The following ARPP21 variants were observed in gnomAD, a reference collection of about 807,000 sequenced individuals.
The protein encoded by ARPP21 is cAMP regulated phosphoprotein 21.
A neutral mutation model predicts 113.2 loss-of-function variants in ARPP21; 69 were observed. That is an observed-to-expected ratio of 0.61 (90% CI 0.50 to 0.74). The LOEUF is 0.74. Among genes scored for constraint, ARPP21 ranks in the 30% least tolerant of loss-of-function variants. ARPP21 has a pLI of 0.00. For missense variants in ARPP21, 1,070 were observed against 1,037.4 expected (o/e 1.03, Z -0.43); for synonymous variants, 368 against 375.5 (o/e 0.98, Z 0.23).
intron 11 of ARPP21, among the ~76,000 whole-genome samples, chr3:35,714,615 T>C (rs749700651): frequency 1.2e-4 from 18 of 152,206 alleles, no homozygotes; most frequent in South Asian, 4.1e-4. Context: ...CACCCTATTA[T>C]AGGACCACAG....
chr3:35,658,162 C>T (rs894194204), intron 1 of ARPP21, among the ~76,000 whole-genome samples: 2 of 152,080 alleles, frequency 1.3e-5, no homozygotes, highest in Admixed American at 1.3e-4. Context: ...TTGGTGAACA[C>T]ATTCCAGACT....
intron 19 of ARPP21, among the ~76,000 whole-genome samples, chr3:35,779,284 G>A (rs1280411207): frequency 1.3e-5 from 2 of 152,170 alleles, no homozygotes; most frequent in African/African-American, 2.4e-5. Flanking sequence ...TGAAGTACTT[G>A]TGGACTATTA....
intron 9 of ARPP21, among the ~76,000 whole-genome samples, chr3:35,700,450 T>C (rs997735019): frequency 3.3e-5 from 5 of 151,720 alleles, no homozygotes; most frequent in African/African-American, 1.2e-4. Context: ...AGTCATTGTA[T>C]GTATTAATGC....
At chr3:35,773,757 T>A (rs1042565392) in intron 19 of ARPP21, among the ~76,000 whole-genome samples, 5 of 152,352 alleles carry the variant, frequency 3.3e-5, no homozygotes, top group Middle Eastern at 3.4e-3. Flanking sequence ...CAACTTTTTT[T>A]AATTAAAATT....
At chr3:35,685,371 G>A in intron 5 of ARPP21, 1 of 985,310 alleles carries the variant, frequency 1.0e-6, no homozygotes, top group East Asian at 1.1e-4. Flanking sequence ...CTTTGGATTG[G>A]CTGAGGAGTG....
At chr3:35,663,031 A>G (rs1369481871) in intron 1 of ARPP21, among the ~76,000 whole-genome samples, 2 of 152,258 alleles carry the variant, frequency 1.3e-5, no homozygotes, top group East Asian at 3.9e-4. Context: ...GACTATATTT[A>G]ACAAAAAGAT....
intron 19 of ARPP21, among the ~76,000 whole-genome samples, chr3:35,764,750 T>G (rs1030637294): frequency 1.3e-5 from 2 of 152,164 alleles, no homozygotes; most frequent in African/African-American, 4.8e-5. Flanking sequence ...ATGTATACAT[T>G]TTGTTTTTCT....
chr3:35,778,107 A>C (rs1044596084), intron 19 of ARPP21, among the ~76,000 whole-genome samples: 7 of 152,252 alleles, frequency 4.6e-5, no homozygotes, highest in African/African-American at 1.7e-4. Context: ...ACCAAGAGAC[A>C]GTATTCCACT....
At chr3:35,738,339 G>T in intron 17 of ARPP21, 21 bp downstream of exon 17, 2 of 1,497,808 alleles carry the variant, frequency 1.3e-6, no homozygotes, top group South Asian at 2.4e-5. Flanking sequence ...ATGTGTATAT[G>T]ACTTTTTCCC....
chr3:35,671,103 C>T (rs1489528468), intron 1 of ARPP21, among the ~76,000 whole-genome samples: 1 of 152,138 alleles, frequency 6.6e-6, no homozygotes, highest in African/African-American at 2.4e-5. Context: ...GCTCCTTTCA[C>T]TCCCCTGGCT....
intron 5 of ARPP21, among the ~76,000 whole-genome samples, chr3:35,686,699 C>T (rs2080707757): frequency 6.6e-6 from 1 of 151,534 alleles, no homozygotes; most frequent in Non-Finnish European, 1.5e-5. Flanking sequence ...ATTTTAATGT[C>T]ACTAGTGGAA....
chr3:35,783,888 T>A (rs947266973), intron 19 of ARPP21, among the ~76,000 whole-genome samples: 10 of 152,186 alleles, frequency 6.6e-5, no homozygotes, highest in Non-Finnish European at 1.3e-4. Context: ...GATCCTTATG[T>A]TTATGCCTCT....
chr3:35,656,280 A>G (rs1300396585), intron 1 of ARPP21, among the ~76,000 whole-genome samples: 2 of 152,078 alleles, frequency 1.3e-5, no homozygotes, highest in Non-Finnish European at 2.9e-5. Flanking sequence ...CTAATCCACA[A>G]GACTGGATAT....
intron 1 of ARPP21, among the ~76,000 whole-genome samples, chr3:35,644,828 C>T (rs570504205): frequency 2.6e-5 from 4 of 151,964 alleles, no homozygotes; most frequent in Admixed American, 2.6e-4. Context: ...TCCATGGTCA[C>T]AGTAGATCAA....
chr3:35,774,724 A>G (rs978083441), intron 19 of ARPP21: 2 of 152,210 alleles, frequency 1.3e-5, no homozygotes, highest in African/African-American at 4.8e-5. Context: ...ATGTACAATT[A>G]AGTAGAAAAG....
At chr3:35,792,348 C>T (rs1018757451) in intron 19 of ARPP21, 34 bp from the exon 20 acceptor site, 1 of 1,608,954 alleles carries the variant, frequency 6.2e-7, no homozygotes, top group Admixed American at 1.7e-5. Flanking sequence ...GTTCTTTCTG[C>T]ACAACCAGTT....
At chr3:35,639,095 G>A (rs1464059495), upstream of ARPP21, 2 of 152,624 alleles carry the variant, frequency 1.3e-5, no homozygotes, top group Non-Finnish European at 2.9e-5. The surrounding 1 kb of genome is among the most constrained non-coding windows in gnomAD (Gnocchi z 5.0). Context: ...TGGGAGCAGG[G>A]AGGCGGTGTG....
intron 1 of ARPP21, among the ~76,000 whole-genome samples, chr3:35,660,174 A>G (rs1707039972): frequency 6.6e-6 from 1 of 152,180 alleles, no homozygotes; most frequent in Non-Finnish European, 1.5e-5. Context: ...ATGAGGTATC[A>G]CTTCTAAATT....
intron 19 of ARPP21, among the ~76,000 whole-genome samples, chr3:35,765,825 A>G (rs1400888207): frequency 3.3e-5 from 5 of 152,164 alleles, no homozygotes; most frequent in Admixed American, 6.5e-5. Flanking sequence ...CTGAGTTAAA[A>G]TTTCTGCCAT....
Sources: gnomAD v4.1 joint callset for allele counts (sites outside exome capture counted in the v4.1 genomes callset) on GRCh38, gnomAD v4.1.1 for gene constraint, Gnocchi (gnomAD v3.1) non-coding constraint, MANE v1.5 for transcripts, NCBI Gene and HGNC (gene_info 2026-07-23, HGNC 2026-07-21) for gene names.